The following ZMAT4 variants were observed in gnomAD, a reference collection of about 807,000 sequenced individuals.
ZMAT4 encodes zinc finger matrin-type protein 4.
In ZMAT4, 17 loss-of-function variants were observed where a neutral mutation model predicts 28.7. The ratio of observed to expected loss-of-function variants is 0.59; its 90% CI spans 0.41 to 0.89. The LOEUF (loss-of-function observed/expected upper bound fraction) is 0.89. Ranked by LOEUF, ZMAT4 falls within the 40% of genes least tolerant of loss-of-function variation. The pLI is 0.00. For missense variants in ZMAT4, 240 were observed against 283.8 expected (o/e 0.85, Z 1.11); for synonymous variants, 117 against 109.2 (o/e 1.07, Z -0.44).
chr8:40,687,337 C>T (rs1440704615), intron 4 of ZMAT4, among the ~76,000 whole-genome samples: 1 of 152,058 alleles, frequency 6.6e-6, no homozygotes, highest in Non-Finnish European at 1.5e-5. Flanking sequence ...GGGAGCTGAT[C>T]CCTGATGTGA....
chr8:40,540,797 A>G (rs1803006251), intron 6 of ZMAT4, among the ~76,000 whole-genome samples: 1 of 152,218 alleles, frequency 6.6e-6, no homozygotes. Context: ...GCAATATTGC[A>G]GTAGCAAACC....
chr8:40,867,159 G>A (rs748169620), intron 1 of ZMAT4, among the ~76,000 whole-genome samples: 42 of 152,176 alleles, frequency 2.8e-4, no homozygotes, highest in Non-Finnish European at 5.6e-4. Context: ...CCTTAGGCAG[G>A]GGTGTGCAAT....
At chr8:40,861,196 C>T (rs755208330) in intron 1 of ZMAT4, among the ~76,000 whole-genome samples, 4 of 152,222 alleles carry the variant, frequency 2.6e-5, no homozygotes, top group Non-Finnish European at 5.9e-5. Context: ...CAGTACCTGG[C>T]ACATGCTAAG....
At chr8:40,606,602 C>T (rs1367366450) in intron 5 of ZMAT4, among the ~76,000 whole-genome samples, 1 of 152,188 alleles carries the variant, frequency 6.6e-6, no homozygotes, top group Non-Finnish European at 1.5e-5. Flanking sequence ...TGCCTCATGG[C>T]TCTTAGGATT....
intron 5 of ZMAT4, among the ~76,000 whole-genome samples, chr8:40,603,281 A>G (rs888926531): frequency 2.6e-5 from 4 of 152,186 alleles, no homozygotes; most frequent in African/African-American, 7.2e-5. Flanking sequence ...CCATTGGTCT[A>G]TGTGCCTATT....
chr8:40,607,217 T>C (rs574496855), intron 5 of ZMAT4, among the ~76,000 whole-genome samples: 132 of 143,630 alleles, frequency 9.2e-4, no homozygotes, highest in African/African-American at 3.2e-3. Flanking sequence ...CTCCGCCTCC[T>C]GGGTTCACGC....
chr8:40,698,183 G>A (rs1444052795), intron 3 of ZMAT4, among the ~76,000 whole-genome samples: 2 of 152,070 alleles, frequency 1.3e-5, no homozygotes, highest in African/African-American at 4.8e-5. Flanking sequence ...GAGAGTTTGT[G>A]TAATTTTCCT....
chr8:40,886,630 C>T (rs1055255171), intron 1 of ZMAT4, among the ~76,000 whole-genome samples: 3 of 152,176 alleles, frequency 2.0e-5, no homozygotes, highest in African/African-American at 7.2e-5. Context: ...CAAAAGTCTA[C>T]CTCTAACTTT....
chr8:40,856,859 GC>G (rs970420625), intron 1 of ZMAT4, among the ~76,000 whole-genome samples: 1 of 152,152 alleles, frequency 6.6e-6, no homozygotes, highest in African/African-American at 2.4e-5. Flanking sequence ...GAGCACAGGA[GC>G]CCCGTGGATG....
chr8:40,669,268 G>A (rs1429150913), intron 5 of ZMAT4, among the ~76,000 whole-genome samples: 1 of 152,120 alleles, frequency 6.6e-6, no homozygotes, highest in African/African-American at 2.4e-5. Flanking sequence ...GGGGTCCAAT[G>A]ATTCAAGACT....
chr8:40,873,284 C>A (rs990290837), intron 1 of ZMAT4, among the ~76,000 whole-genome samples: 2 of 152,188 alleles, frequency 1.3e-5, no homozygotes, highest in African/African-American at 2.4e-5. Context: ...TACAAAAATG[C>A]CCACTTATCA....
At chr8:40,812,643 G>C (rs1236162320) in intron 2 of ZMAT4, among the ~76,000 whole-genome samples, 1 of 152,110 alleles carries the variant, frequency 6.6e-6, no homozygotes, top group Non-Finnish European at 1.5e-5. Context: ...TAAAATATAG[G>C]ATATAGGTCA....
chr8:40,816,932 G>A (rs920432095), intron 2 of ZMAT4, among the ~76,000 whole-genome samples: 1 of 152,114 alleles, frequency 6.6e-6, no homozygotes, highest in African/African-American at 2.4e-5. Context: ...ATGAGAGACG[G>A]CATTTTTAAA....
intron 1 of ZMAT4, among the ~76,000 whole-genome samples, chr8:40,884,229 T>A (rs1818379428): frequency 6.6e-6 from 1 of 150,480 alleles, no homozygotes; most frequent in African/African-American, 2.4e-5. Context: ...GGACTCCTCT[T>A]CCCCTGAGAG....
chr8:40,639,771 T>TACGCAC (rs1806940379), intron 5 of ZMAT4, among the ~76,000 whole-genome samples: 1 of 146,354 alleles, frequency 6.8e-6, no homozygotes, highest in Admixed American at 6.8e-5. Context: ...GTCCTTTTGT[T>TACGCAC]ACACACACAC....
chr8:40,866,304 G>A (rs568673588), intron 1 of ZMAT4, among the ~76,000 whole-genome samples: 96 of 152,306 alleles, frequency 6.3e-4, no homozygotes, highest in Admixed American at 2.5e-3. Flanking sequence ...CACAATGCTG[G>A]TGCCCCAGGG....
intron 3 of ZMAT4, among the ~76,000 whole-genome samples, chr8:40,698,480 C>T (rs1266882064): frequency 6.6e-6 from 1 of 152,140 alleles, no homozygotes; most frequent in Non-Finnish European, 1.5e-5. Flanking sequence ...AATAGCCGAA[C>T]ATCTCTTTGT....
chr8:40,575,457 A>G (rs1023544149), intron 6 of ZMAT4, among the ~76,000 whole-genome samples: 1 of 152,084 alleles, frequency 6.6e-6, no homozygotes, highest in African/African-American at 2.4e-5. Context: ...CCCCAGACTG[A>G]GAACCAGTTC....
intron 5 of ZMAT4, among the ~76,000 whole-genome samples, chr8:40,640,720 G>A (rs2599654): frequency 0.55 from 83,668 of 151,730 alleles, 24,027 homozygotes; most frequent in East Asian, 0.69. Flanking sequence ...CAGCACTTTG[G>A]GAGGTCGAGG....
Sources: gnomAD v4.1 joint callset for allele counts (sites outside exome capture counted in the v4.1 genomes callset) on GRCh38, gnomAD v4.1.1 for gene constraint, MANE v1.5 for transcripts, NCBI Gene and HGNC (gene_info 2026-07-23, HGNC 2026-07-21) for gene names.